The following JAKMIP1 variants were observed in gnomAD, a reference collection of about 807,000 sequenced individuals.
JAKMIP1 encodes the protein janus kinase and microtubule-interacting protein 1.
A neutral mutation model predicts 113.0 loss-of-function variants in JAKMIP1; 33 were observed. That is an observed-to-expected ratio of 0.29 (90% CI 0.22 to 0.39). The LOEUF (loss-of-function observed/expected upper bound fraction) is 0.39. Among genes scored for constraint, JAKMIP1 ranks in the 10% least tolerant of loss-of-function variants. The probability of loss-of-function intolerance (pLI) is 1.00; values close to 1 mark genes in which losing one functional copy is unlikely to be tolerated. For missense variants in JAKMIP1, 813 were observed against 1,080.5 expected, an observed-to-expected ratio of 0.75 and a Z score of 3.47; for synonymous variants, 480 against 459.9, an observed-to-expected ratio of 1.04 and a Z score of -0.56.
rs1244838128 is a variant in JAKMIP1, at chr4:6,088,834, T to A, written c.625-3205A>T. On this transcript the variant is annotated intron_variant, in intron 3 of 20. Coordinates refer to ENST00000409021, the MANE Select transcript of JAKMIP1 (RefSeq NM_001099433.2). This position sits in a 1 kb window ranked among gnomAD's most constrained non-coding sequence, Gnocchi z 5.5. The stretch of plus-strand genomic sequence containing the variant: ...ACTGCTCACCTGACCATATGGAACA[T>A]CCCTCAGCTTCCTTCCCGCATCCAT... Among the ~76,000 whole-genome samples, 1 of 152,116 alleles carries A rather than the reference T, an allele frequency of 6.6e-6. No homozygotes were observed. Among genetic ancestry groups the A allele is most frequent in the Non-Finnish European group, 1.5e-5 (1 of 68,032 alleles).
chr4:6,028,994 C>G (rs892163618), intron 20 of JAKMIP1, among the ~76,000 whole-genome samples: 1 of 152,214 alleles, frequency 6.6e-6, no homozygotes, highest in Non-Finnish European at 1.5e-5. Context: ...TCACAGCCAT[C>G]CGGTGGAAGA....
Position 6,154,748 on chromosome 4 carries a change from C to T in JAKMIP1, c.-147-41751G>A, listed in dbSNP as rs1038163324. 2.0e-5 allele frequency among the ~76,000 whole-genome samples: 3 copies of T among 152,246 alleles called. No homozygotes were observed. In the East Asian group the frequency reaches 5.8e-4, roughly 29 times the overall value. ...CCAGCCCACTCCTAACTCCCCACCC[C>T]CAGCCATCATGAACTACAGACAGCA... On this transcript the variant is annotated intron_variant, in intron 1 of 20. Transcript: ENST00000409021. The surrounding 1 kb of genome is among the most constrained non-coding windows in gnomAD (Gnocchi z 4.2).
rs917562636 is a variant in JAKMIP1 at position 6,064,174 on chromosome 4, T to G, written c.1431+706A>C. On this transcript the variant is annotated intron_variant, in intron 9 of 20. Transcript: ENST00000409021. The surrounding 1 kb of genome is among the most constrained non-coding windows in gnomAD (Gnocchi z 4.3). ...TCTGCGCTGAATGAAGTCTGCTGTT[T>G]AGGAAATTAATCAAATGTGATTATT... is the stretch of plus-strand genomic sequence containing the variant. Among the ~76,000 whole-genome samples, 14 of 152,224 alleles carry G rather than the reference T, an allele frequency of 9.2e-5. No individual in the cohort carries two copies. Among genetic ancestry groups the G allele is most frequent in the African/African-American group, 3.1e-4 (13 of 41,452 alleles).
Position 6,194,675 on chromosome 4 carries a change from G to A in JAKMIP1, c.-148+5578C>T, listed in dbSNP as rs1560359238. 1 of 152,334 alleles carries A rather than the reference G, an allele frequency of 6.6e-6. No individual in the cohort carries two copies. Among genetic ancestry groups the A allele is most frequent in the South Asian group, 2.1e-4 (1 of 4,810 alleles). The allele number at this position is 152,334 out of a possible 1,614,324, so 9.4% of individuals were successfully genotyped here. A position where few individuals can be genotyped will look rare whatever the true frequency, so the allele number is the denominator to read the frequency against. On this transcript the variant is annotated intron_variant, in intron 1 of 20. Transcript: ENST00000409021. The surrounding 1 kb of genome is among the most constrained non-coding windows in gnomAD (Gnocchi z 7.4). ...CCGAGCCAGCGCCTCCCTCTGACCT[G>A]GCAGGCATAAGGGTATTTCTGCCAC... is the stretch of plus-strand genomic sequence containing the variant.
chr4:6,156,544 G>T lies in JAKMIP1; in HGVS notation c.-147-43547C>A, dbSNP rs1722257686. 6.6e-6 allele frequency among the ~76,000 whole-genome samples: 1 copy of T among 152,206 alleles called. No individual in the cohort carries two copies. On this transcript the variant is annotated intron_variant, in intron 1 of 20. Transcript: ENST00000409021. This position sits in a 1 kb window ranked among gnomAD's most constrained non-coding sequence, Gnocchi z 5.0. Reference sequence around the variant, plus strand: ...AAATAAATCCAGAGCCATCTGTTCTGAGCGTTCGGCTTCAGCCCCCAGTCA... The same window carrying T: ...AAATAAATCCAGAGCCATCTGTTCTTAGCGTTCGGCTTCAGCCCCCAGTCA...
At position 6,180,161 on chromosome 4, in the gene JAKMIP1, C is replaced by T. The variant is rs906726769; in HGVS notation, c.-148+20092G>A. ...CATAAACAGCAGTTTTGAAATACCC[C>T]AGTTCATGAAATGCTTCCAATATCA... On this transcript the variant is annotated intron_variant, in intron 1 of 20. Coordinates refer to ENST00000409021, the MANE Select transcript of JAKMIP1 (RefSeq NM_001099433.2). The surrounding 1 kb of genome is among the most constrained non-coding windows in gnomAD (Gnocchi z 4.5). Among the ~76,000 whole-genome samples, 3 of 152,172 alleles carry T rather than the reference C, an allele frequency of 2.0e-5. No individual in the cohort carries two copies. The highest frequency in any genetic ancestry group is 7.2e-5 in the African/African-American group (3 of 41,440).
At chr4:6,037,019 C>T (rs1186572590) in intron 18 of JAKMIP1, among the ~76,000 whole-genome samples, 2 of 150,122 alleles carry the variant, frequency 1.3e-5, no homozygotes, top group African/African-American at 5.0e-5. Flanking sequence ...AACCCAGTAG[C>T]CCTCCATCAC....
At position 6,064,646 on chromosome 4, in the gene JAKMIP1, C is replaced by G. The variant is rs555804763; in HGVS notation, c.1431+234G>C. ...GATTTCCTTGGTGGGGAAATCAGTG[C>G]TGGGGAAAGAAAGGGTCCCCACGTG... On this transcript the variant is annotated intron_variant, in intron 9 of 20. Transcript: ENST00000409021. This position sits in a 1 kb window ranked among gnomAD's most constrained non-coding sequence, Gnocchi z 4.3. 2.7e-4 allele frequency among the ~76,000 whole-genome samples: 41 copies of G among 152,200 alleles called. No homozygotes were observed. The Middle Eastern group carries it at 0.01, about 38-fold the overall frequency.
chr4:6,130,420 C>T (rs1395051293), intron 1 of JAKMIP1, among the ~76,000 whole-genome samples: 1 of 152,210 alleles, frequency 6.6e-6, no homozygotes, highest in African/African-American at 2.4e-5. Context: ...CACAGAATCA[C>T]AACATACCAC....
intron 18 of JAKMIP1, among the ~76,000 whole-genome samples, chr4:6,036,334 C>T (rs1456285087): frequency 2.6e-5 from 4 of 152,178 alleles, no homozygotes; most frequent in Non-Finnish European, 2.9e-5. Flanking sequence ...CCCAGATGCC[C>T]CTACTATGCA....
chr4:6,063,682 C>G (rs563039338), intron 9 of JAKMIP1, among the ~76,000 whole-genome samples: 1 of 152,180 alleles, frequency 6.6e-6, no homozygotes, highest in African/African-American at 2.4e-5. Context: ...AATGTGCCAG[C>G]GCCTATAGCA....
Position 6,199,274 on chromosome 4 carries a change from C to G in JAKMIP1, c.-148+979G>C, listed in dbSNP as rs575387218. Among the ~76,000 whole-genome samples the G allele has an allele frequency of 1.3e-5, 2 of 152,350 alleles. No homozygotes were observed. The highest frequency in any genetic ancestry group is 4.1e-4 in the South Asian group (2 of 4,830). ...GGCTGGCGGAGAGCCGAGGCTGGCC[C>G]AGCCTTCAGGAGACCGGCGAGCTGG... is the stretch of plus-strand genomic sequence containing the variant. On this transcript the variant is annotated intron_variant, in intron 1 of 20. Coordinates refer to ENST00000409021, the MANE Select transcript of JAKMIP1 (RefSeq NM_001099433.2). The surrounding 1 kb of genome is among the most constrained non-coding windows in gnomAD (Gnocchi z 5.6).
At chr4:6,083,680 T>C (rs974486925) in intron 5 of JAKMIP1, among the ~76,000 whole-genome samples, 1 of 151,684 alleles carries the variant, frequency 6.6e-6, no homozygotes, top group African/African-American at 2.4e-5. Context: ...TGTGAAGAGG[T>C]GATACTTACG....
chr4:6,170,691 C>T (rs1184746780), intron 1 of JAKMIP1, among the ~76,000 whole-genome samples: 2 of 151,286 alleles, frequency 1.3e-5, no homozygotes. Flanking sequence ...CCACTGTCAC[C>T]CTCCTTAACA....
rs558478393 is a variant in JAKMIP1 at position 6,167,133 on chromosome 4, T to G, written c.-148+33120A>C. On this transcript the variant is annotated intron_variant, in intron 1 of 20. Transcript: ENST00000409021. This position sits in a 1 kb window ranked among gnomAD's most constrained non-coding sequence, Gnocchi z 5.3. ...ATTAAAATTCTTGAAATCCATCGTC[T>G]TCCCCTAGACCTGCTCCTCCTTCCA... is the stretch of plus-strand genomic sequence containing the variant. 5.9e-5 allele frequency among the ~76,000 whole-genome samples: 9 copies of G among 152,158 alleles called. No individual in the cohort carries two copies. Among genetic ancestry groups the G allele is most frequent in the Non-Finnish European group, 8.8e-5 (6 of 68,014 alleles).
Position 6,049,829 on chromosome 4 carries a change from C to T in JAKMIP1, c.1952G>A (p.Gly651Asp). Residue 651 changes from glycine to aspartate, a missense_variant, in exon 15 of 21, where the codon GGC (glycine) becomes GAC (aspartate). Transcript: ENST00000409021. The surrounding 1 kb of genome is among the most constrained non-coding windows in gnomAD (Gnocchi z 7.0). ...SELMKKLDIL[G>D]DNGNLRNEEQ... Reference sequence around the variant, plus strand: ...ATCGCTCATAGTTACCCCGTTATCGCCAAGGATATCTAATTTCTTCATAAG... The same window carrying T: ...ATCGCTCATAGTTACCCCGTTATCGTCAAGGATATCTAATTTCTTCATAAG... 6.2e-7 allele frequency: 1 copy of T among 1,612,248 alleles called. No individual in the cohort carries two copies.
intron 2 of JAKMIP1, among the ~76,000 whole-genome samples, chr4:6,111,222 C>T (rs953023826): frequency 8.5e-5 from 13 of 152,264 alleles, no homozygotes; most frequent in South Asian, 6.2e-4. Context: ...AAGACAGGGA[C>T]GCCTGCTGCA....
In JAKMIP1 at chr4:6,185,065, C is replaced by A. The variant is rs1241322676; in HGVS notation, c.-148+15188G>T. 1.3e-5 allele frequency among the ~76,000 whole-genome samples: 2 copies of A among 152,212 alleles called. No individual in the cohort carries two copies. The highest frequency in any genetic ancestry group is 4.8e-5 in the African/African-American group (2 of 41,466). On this transcript the variant is annotated intron_variant, in intron 1 of 20. Coordinates refer to ENST00000409021, the MANE Select transcript of JAKMIP1 (RefSeq NM_001099433.2). The surrounding 1 kb of genome is among the most constrained non-coding windows in gnomAD (Gnocchi z 5.3). ...TCCACCAGTGGTTTGCCAGGGCTCT[C>A]AGGCCTTGGGCCACTGACTGAAGGC...
rs982519529 is a variant in JAKMIP1 at position 6,050,424 on chromosome 4, G to A, written c.1908+154C>T. Reference sequence around the variant, plus strand: ...ATGGGTCAAAATAGAGTCACATTTGGTGACCCTTTAATAAATGGACAAACT... The same window carrying A: ...ATGGGTCAAAATAGAGTCACATTTGATGACCCTTTAATAAATGGACAAACT... On this transcript the variant is annotated intron_variant, in intron 14 of 20. Coordinates refer to ENST00000409021, the MANE Select transcript of JAKMIP1 (RefSeq NM_001099433.2). The surrounding 1 kb of genome is among the most constrained non-coding windows in gnomAD (Gnocchi z 7.4). Among the ~76,000 whole-genome samples the A allele has an allele frequency of 6.6e-6, 1 of 152,212 alleles. No individual in the cohort carries two copies. The highest frequency in any genetic ancestry group is 1.5e-5 in the Non-Finnish European group (1 of 68,046).
Sources: gnomAD v4.1 joint callset for allele counts (sites outside exome capture counted in the v4.1 genomes callset) on GRCh38, gnomAD v4.1.1 for gene constraint, Gnocchi (gnomAD v3.1) non-coding constraint, MANE v1.5 for transcripts, NCBI Gene and HGNC (gene_info 2026-07-23, HGNC 2026-07-21) for gene names.